GALNTL6: variants seen among roughly 807,000 people sequenced by gnomAD.
GALNTL6 encodes polypeptide N-acetylgalactosaminyltransferase-like 6.
Under a neutral mutation model 73.7 loss-of-function variants are expected in GALNTL6, and 46 were observed. The observed-to-expected ratio is 0.62, with a 90% CI of 0.49 to 0.80. The LOEUF is 0.80. Among genes scored for constraint, GALNTL6 ranks in the 30% least tolerant of loss-of-function variants. GALNTL6 has a pLI of 0.00. For synonymous variants in GALNTL6, 259 were observed against 263.7 expected (o/e 0.98, Z 0.17); for missense variants, 604 against 755.0 (o/e 0.80, Z 2.34).
At chr4:171,947,768 C>A (rs1433413968) in intron 2 of GALNTL6, among the ~76,000 whole-genome samples, 2 of 152,076 alleles carry the variant, frequency 1.3e-5, no homozygotes, top group Non-Finnish European at 2.9e-5. Flanking sequence ...ATCAACTCAC[C>A]CTCACCTCCA....
chr4:172,219,119 T>TAAAA (rs60511127), intron 2 of GALNTL6, among the ~76,000 whole-genome samples: 1 of 144,768 alleles, frequency 6.9e-6, no homozygotes, highest in African/African-American at 2.6e-5. Flanking sequence ...AAATATATGT[T>TAAAA]AAAAAAAAGC....
At chr4:172,726,313 T>G (rs1735801351) in intron 5 of GALNTL6, among the ~76,000 whole-genome samples, 1 of 152,182 alleles carries the variant, frequency 6.6e-6, no homozygotes, top group Admixed American at 6.5e-5. Context: ...GTAATAAACT[T>G]CTGCCGACCC....
At chr4:172,543,256 A>G (rs1735638498) in intron 5 of GALNTL6, among the ~76,000 whole-genome samples, 1 of 152,244 alleles carries the variant, frequency 6.6e-6, no homozygotes, top group African/African-American at 2.4e-5. Context: ...AGGATAAAAA[A>G]TAAGTGGTCC....
At chr4:172,795,155 G>T (rs1166759073) in intron 5 of GALNTL6, among the ~76,000 whole-genome samples, 1 of 152,164 alleles carries the variant, frequency 6.6e-6, no homozygotes, top group Admixed American at 6.5e-5. Flanking sequence ...AGGAGAGAGA[G>T]ATTGCAACAC....
intron 2 of GALNTL6, among the ~76,000 whole-genome samples, chr4:172,113,260 T>C (rs1258656155): frequency 1.3e-5 from 2 of 152,026 alleles, no homozygotes; most frequent in Admixed American, 6.6e-5. Context: ...TAGCATTATA[T>C]AGGTAAGATA....
At chr4:172,037,589 C>T (rs1741966597) in intron 2 of GALNTL6, among the ~76,000 whole-genome samples, 1 of 152,134 alleles carries the variant, frequency 6.6e-6, no homozygotes, top group African/African-American at 2.4e-5. Flanking sequence ...TGTCTGTGCC[C>T]TGAATGCTGC....
chr4:172,806,873 T>A (rs989858458), intron 5 of GALNTL6, among the ~76,000 whole-genome samples: 40 of 152,168 alleles, frequency 2.6e-4, no homozygotes, highest in African/African-American at 9.7e-4. Context: ...GTTTATAAAT[T>A]GATGATATGG....
intron 5 of GALNTL6, among the ~76,000 whole-genome samples, chr4:172,584,690 G>A (rs1737333424): frequency 6.6e-6 from 1 of 152,176 alleles, no homozygotes; most frequent in African/African-American, 2.4e-5. Context: ...TGATTTGGGA[G>A]GAGGAAGAAT....
intron 3 of GALNTL6, among the ~76,000 whole-genome samples, chr4:172,253,561 C>G (rs1354355): frequency 0.34 from 51,782 of 151,596 alleles, 8,907 homozygotes; most frequent in Non-Finnish European, 0.37. Flanking sequence ...CCCTGCTATT[C>G]TTTTACACAT....
At chr4:171,943,781 T>A (rs1464825876) in intron 2 of GALNTL6, among the ~76,000 whole-genome samples, 1 of 152,172 alleles carries the variant, frequency 6.6e-6, no homozygotes. Context: ...TCCTTGAAGT[T>A]CAAATCCATG....
At chr4:171,857,819 G>T (rs886573930) in intron 2 of GALNTL6, among the ~76,000 whole-genome samples, 1 of 152,154 alleles carries the variant, frequency 6.6e-6, no homozygotes, top group East Asian at 1.9e-4. Context: ...TGAAGCAAGA[G>T]AAATGCCCTA....
At chr4:172,406,278 A>G (rs2111334534) in intron 5 of GALNTL6, among the ~76,000 whole-genome samples, 1 of 152,166 alleles carries the variant, frequency 6.6e-6, no homozygotes, top group South Asian at 2.1e-4. Context: ...CTTCTGCCTC[A>G]GCCAAGTGGC....
At chr4:172,597,910 C>A (rs887274279) in intron 5 of GALNTL6, among the ~76,000 whole-genome samples, 2 of 151,558 alleles carry the variant, frequency 1.3e-5, no homozygotes, top group East Asian at 2.0e-4. Context: ...AATGCTTCTG[C>A]CTTTTCATTT....
At position 172,380,194 on chromosome 4, in the gene GALNTL6, G is replaced by A. The variant is rs1467622065; in HGVS notation, c.553+31505G>A. 12 of 1,012,372 alleles carry A rather than the reference G, an allele frequency of 1.2e-5. No individual in the cohort carries two copies. The East Asian group carries it at 2.4e-4, about 20-fold the overall frequency. 62.7% of individuals were successfully genotyped at this position (1,012,372 alleles called of 1,614,324 possible). ...GTAGCAGAACTGTGCGGATCTGCAG[G>A]GCTGGGGACCACTTACCTTTCAAAA... On this transcript the variant is annotated intron_variant, in intron 5 of 12. Transcript: ENST00000506823.
chr4:172,559,345 G>A (rs1736267479), intron 5 of GALNTL6, among the ~76,000 whole-genome samples: 1 of 151,768 alleles, frequency 6.6e-6, no homozygotes, highest in African/African-American at 2.4e-5. Flanking sequence ...ATTAGATGAT[G>A]GATTTAAAGC....
chr4:172,298,335 T>C (rs559766778), intron 3 of GALNTL6, among the ~76,000 whole-genome samples: 1 of 152,282 alleles, frequency 6.6e-6, no homozygotes, highest in African/African-American at 2.4e-5. Flanking sequence ...CCTAATTGAA[T>C]ACCCTTCATT....
intron 5 of GALNTL6, among the ~76,000 whole-genome samples, chr4:172,635,589 T>C (rs1214384958): frequency 1.3e-5 from 2 of 152,136 alleles, no homozygotes; most frequent in African/African-American, 4.8e-5. Context: ...TTCAATAATT[T>C]CCTGTTTAGA....
At chr4:172,293,765 AAATT>A (rs1318905132) in intron 3 of GALNTL6, among the ~76,000 whole-genome samples, 6 of 151,584 alleles carry the variant, frequency 4.0e-5, no homozygotes, top group Non-Finnish European at 8.8e-5. Context: ...CATTTTGCAT[AAATT>A]AAACTGAAAT....
intron 5 of GALNTL6, among the ~76,000 whole-genome samples, chr4:172,486,454 T>A (rs1447182608): frequency 6.6e-6 from 1 of 152,208 alleles, no homozygotes; most frequent in Non-Finnish European, 1.5e-5. Context: ...CTTATATCAC[T>A]CCACATCTTA....
Sources: gnomAD v4.1 joint callset for allele counts (sites outside exome capture counted in the v4.1 genomes callset) on GRCh38, gnomAD v4.1.1 for gene constraint, MANE v1.5 for transcripts, NCBI Gene and HGNC (gene_info 2026-07-23, HGNC 2026-07-21) for gene names.